HDAC8: variants seen among roughly 807,000 people sequenced by gnomAD.
HDAC8 encodes the protein histone deacetylase 8.
Under a neutral mutation model 32.2 loss-of-function variants are expected in HDAC8, and 1 was observed. The ratio of observed to expected loss-of-function variants is 0.03; its 90% CI spans 0.01 to 0.15. The LOEUF (loss-of-function observed/expected upper bound fraction) is 0.15, where lower values mean the gene tolerates loss of function less well. HDAC8 is among the 10% of genes least tolerant of loss of function. The probability of loss-of-function intolerance (pLI) is 1.00; values close to 1 mark genes in which losing one functional copy is unlikely to be tolerated. For synonymous variants in HDAC8, 108 were observed against 113.9 expected, an observed-to-expected ratio of 0.95 and a Z score of 0.33; for missense variants, 117 against 300.0, an observed-to-expected ratio of 0.39 and a Z score of 4.51.
chrX:72,467,750 T>C (rs1555995606), intron 7 of HDAC8: 1 of 383,673 alleles, frequency 2.6e-6, no homozygotes, highest in Non-Finnish European at 4.4e-6. Flanking sequence ...ACCCTGAAGG[T>C]TGATGAGGGC....
At chrX:72,360,966 G>A (rs1181985507) in intron 9 of HDAC8, among the ~76,000 whole-genome samples, 1 of 111,919 alleles carries the variant, frequency 8.9e-6, no homozygotes, top group Non-Finnish European at 1.9e-5. Context: ...CATCAAAAGC[G>A]CTTGTGAGCA....
chrX:72,447,055 T>C (rs1370674821), intron 9 of HDAC8, among the ~76,000 whole-genome samples: 1 of 111,494 alleles, frequency 9.0e-6, no homozygotes, highest in Admixed American at 9.5e-5. Context: ...TTCCAAACAA[T>C]AGAAAAAGAG....
intron 9 of HDAC8, among the ~76,000 whole-genome samples, chrX:72,448,535 A>C (rs963982052): frequency 8.9e-6 from 1 of 112,338 alleles, no homozygotes; most frequent in Non-Finnish European, 1.9e-5. Context: ...CAAAGACTTC[A>C]TGACTAAAAT....
chrX:72,443,237 T>C (rs1298177674), intron 9 of HDAC8, among the ~76,000 whole-genome samples: 1 of 109,972 alleles, frequency 9.1e-6, no homozygotes, highest in Non-Finnish European at 1.9e-5. Flanking sequence ...TATACATTTT[T>C]TTCAGCACCA....
At chrX:72,393,097 G>A (rs782468444) in intron 9 of HDAC8, among the ~76,000 whole-genome samples, 4 of 111,909 alleles carry the variant, frequency 3.6e-5, no homozygotes, top group Admixed American at 1.9e-4. Flanking sequence ...GCTAAAATCC[G>A]TTGAATTTAG....
At position 72,344,994 on chromosome X, in the gene HDAC8, C is replaced by G. The variant is rs1448255781; in HGVS notation, c.1111+6739G>C. Among the ~76,000 whole-genome samples, 8 of 111,617 alleles carry G rather than the reference C, an allele frequency of 7.2e-5. No individual in the cohort carries two copies. The East Asian group carries it at 1.7e-3, about 24-fold the overall frequency. On this transcript the variant is annotated intron_variant, in intron 10 of 10. Coordinates refer to ENST00000373573, the MANE Select transcript of HDAC8 (RefSeq NM_018486.3). ...TCAAGGGAGCCTGCAATCGGCCCCC[C>G]ATCCCCACCCTTCTGAATTTCCCTC...
At chrX:72,332,913 A>C (rs1555941102) in intron 10 of HDAC8, among the ~76,000 whole-genome samples, 1 of 111,184 alleles carries the variant, frequency 9.0e-6, no homozygotes, top group Non-Finnish European at 1.9e-5. Flanking sequence ...CAGCCTCCCA[A>C]AGTGCTGGGA....
intron 9 of HDAC8, among the ~76,000 whole-genome samples, chrX:72,434,026 C>T (rs887576654): frequency 1.8e-5 from 2 of 112,516 alleles, no homozygotes; most frequent in Non-Finnish European, 3.8e-5. Flanking sequence ...TAAACTAATG[C>T]ATGTGGCACA....
Position 72,438,330 on chromosome X carries a change from C to T in HDAC8, c.1005+23674G>A, listed in dbSNP as rs992295926. Among the ~76,000 whole-genome samples, 3 of 111,698 alleles carry T rather than the reference C, an allele frequency of 2.7e-5. No homozygotes were observed. In the Admixed American group the frequency reaches 2.8e-4, roughly 11 times the overall value. ...CAAAAAGGACGTCCACACATAAACC[C>T]CATCCAAAGGTCACCAACATCAAAG... On this transcript the variant is annotated intron_variant, in intron 9 of 10. Coordinates refer to ENST00000373573, the MANE Select transcript of HDAC8 (RefSeq NM_018486.3).
At chrX:72,567,715 C>T in intron 4 of HDAC8, 174 bp downstream of exon 4, 1 of 1,206,712 alleles carries the variant, frequency 8.3e-7, no homozygotes, top group Non-Finnish European at 1.1e-6. Flanking sequence ...GTGTGCTTTC[C>T]ACTATATTAG....
At chrX:72,337,424 C>G (rs2043731253) in intron 10 of HDAC8, among the ~76,000 whole-genome samples, 1 of 111,812 alleles carries the variant, frequency 8.9e-6, no homozygotes, top group South Asian at 3.8e-4. Context: ...GAACAGTCCT[C>G]TTGTGCTTTT....
At chrX:72,457,993 TACAC>T (rs782161512) in intron 9 of HDAC8, among the ~76,000 whole-genome samples, 1 of 108,433 alleles carries the variant, frequency 9.2e-6, no homozygotes, top group African/African-American at 3.3e-5. Context: ...CACATATACA[TACAC>T]ACACACACAC....
At chrX:72,340,913 C>G (rs1555944854) in intron 10 of HDAC8, among the ~76,000 whole-genome samples, 2 of 111,577 alleles carry the variant, frequency 1.8e-5, no homozygotes, top group Admixed American at 1.9e-4. Context: ...CCAGAGAGCT[C>G]AAGGGCCTGT....
chrX:72,528,507 C>T (rs1335839190), intron 4 of HDAC8, among the ~76,000 whole-genome samples: 1 of 111,931 alleles, frequency 8.9e-6, no homozygotes, highest in African/African-American at 3.3e-5. Flanking sequence ...AGTGAGCTTC[C>T]TGTGATAAGA....
chrX:72,570,291 T>C (rs964994958), intron 2 of HDAC8, among the ~76,000 whole-genome samples: 45 of 112,160 alleles, frequency 4.0e-4, no homozygotes, highest in African/African-American at 1.4e-3. Flanking sequence ...TGGTAAATGT[T>C]AAAAAACACT....
chrX:72,468,227 A>T (rs2048073575), intron 7 of HDAC8, among the ~76,000 whole-genome samples: 1 of 112,014 alleles, frequency 8.9e-6, no homozygotes, highest in Non-Finnish European at 1.9e-5. Context: ...CTGAAAAATT[A>T]TGCTTAGGAA....
chrX:72,351,995 T>C (rs899676887), intron 9 of HDAC8, among the ~76,000 whole-genome samples, 157 bp from the exon 10 acceptor site: 1 of 112,225 alleles, frequency 8.9e-6, no homozygotes, highest in East Asian at 2.8e-4. Context: ...CCTGCCTTGG[T>C]GGTATCACTA....
intron 4 of HDAC8, among the ~76,000 whole-genome samples, chrX:72,518,384 C>T (rs782179502): frequency 2.0e-4 from 22 of 111,370 alleles, no homozygotes; most frequent in Non-Finnish European, 3.6e-4. Context: ...GTGATGTGGT[C>T]TTTTTCTATC....
In HDAC8 at chrX:72,436,063, CAG is replaced by C. The variant is rs1286190195; in HGVS notation, c.1005+25939_1005+25940del. ...AAAAGAAACTGAAAAAAAAAATGAA[CAG>C]AGTCTCAGGGTCCTGTGTGACAAGA... On this transcript the variant is annotated intron_variant, in intron 9 of 10. Coordinates refer to ENST00000373573, the MANE Select transcript of HDAC8 (RefSeq NM_018486.3). 3.6e-5 allele frequency among the ~76,000 whole-genome samples: 4 copies of C among 110,140 alleles called. No individual in the cohort carries two copies. The South Asian group carries it at 1.2e-3, about 32-fold the overall frequency.
Sources: allele counts gnomAD v4.1 joint callset (sites outside exome capture counted in the v4.1 genomes callset), GRCh38; gene constraint gnomAD v4.1.1; transcripts MANE v1.5; gene names NCBI Gene and HGNC (gene_info 2026-07-23, HGNC 2026-07-21).